ITGBL1: variants seen among roughly 807,000 people sequenced by gnomAD.
The protein encoded by ITGBL1 is integrin subunit beta like 1.
In ITGBL1, 51 loss-of-function variants were observed where a neutral mutation model predicts 68.5. The observed-to-expected ratio is 0.74, with a 90% CI of 0.59 to 0.94. The LOEUF (loss-of-function observed/expected upper bound fraction) is 0.94, where lower values mean the gene tolerates loss of function less well. Among genes scored for constraint, ITGBL1 ranks in the 40% least tolerant of loss-of-function variants. The probability of loss-of-function intolerance (pLI) is 0.00; values close to 1 mark genes in which losing one functional copy is unlikely to be tolerated. For synonymous variants in ITGBL1, 209 were observed against 227.3 expected, an observed-to-expected ratio of 0.92 and a Z score of 0.72; for missense variants, 649 against 647.4, an observed-to-expected ratio of 1.00 and a Z score of -0.03.
At chr13:101,710,365 C>A (rs1002203446) in intron 9 of ITGBL1, among the ~76,000 whole-genome samples, 1 of 152,068 alleles carries the variant, frequency 6.6e-6, no homozygotes, top group African/African-American at 2.4e-5. Flanking sequence ...GGGATAAAAC[C>A]AGGATCATGG....
intron 2 of ITGBL1, among the ~76,000 whole-genome samples, chr13:101,502,204 A>G (rs1168474096): frequency 6.6e-6 from 1 of 152,164 alleles, no homozygotes; most frequent in Non-Finnish European, 1.5e-5. Flanking sequence ...TTATTTTCCA[A>G]TTTAAAACAT....
chr13:101,598,682 C>T (rs1316907610), intron 7 of ITGBL1, among the ~76,000 whole-genome samples: 2 of 152,010 alleles, frequency 1.3e-5, no homozygotes, highest in Non-Finnish European at 2.9e-5. Context: ...GAGAATATGC[C>T]GTGTTTGGTT....
intron 2 of ITGBL1, among the ~76,000 whole-genome samples, chr13:101,560,372 A>G: frequency 6.6e-6 from 1 of 152,206 alleles, no homozygotes; most frequent in East Asian, 1.9e-4. Flanking sequence ...TAAGTGTTCA[A>G]ATTAAAATAC....
intron 7 of ITGBL1, among the ~76,000 whole-genome samples, chr13:101,638,369 TA>T (rs1303067530): frequency 6.6e-6 from 1 of 152,158 alleles, no homozygotes; most frequent in African/African-American, 2.4e-5. Flanking sequence ...ATTTGAGTAT[TA>T]AATGAGCTAG....
At chr13:101,614,524 C>A (rs551703898) in intron 7 of ITGBL1, among the ~76,000 whole-genome samples, 2 of 152,168 alleles carry the variant, frequency 1.3e-5, no homozygotes, top group South Asian at 4.1e-4. Context: ...GCACATTTTC[C>A]ATTATTAAAT....
At chr13:101,540,269 A>G (rs1047223028) in intron 2 of ITGBL1, among the ~76,000 whole-genome samples, 6 of 152,140 alleles carry the variant, frequency 3.9e-5, no homozygotes, top group African/African-American at 1.4e-4. Flanking sequence ...CTTTCTACAT[A>G]TGGCTAGCCA....
chr13:101,557,451 G>T (rs1323995044), intron 2 of ITGBL1, among the ~76,000 whole-genome samples: 1 of 152,098 alleles, frequency 6.6e-6, no homozygotes, highest in Non-Finnish European at 1.5e-5. Flanking sequence ...TATTAAAAAT[G>T]GTCAAGTTTC....
At chr13:101,643,580 G>T (rs1247233714) in intron 7 of ITGBL1, among the ~76,000 whole-genome samples, 1 of 152,134 alleles carries the variant, frequency 6.6e-6, no homozygotes, top group Non-Finnish European at 1.5e-5. Context: ...AGTCCACTGT[G>T]ATCACAGAAC....
chr13:101,514,994 T>A (rs557867683), intron 2 of ITGBL1, among the ~76,000 whole-genome samples: 3 of 152,254 alleles, frequency 2.0e-5, no homozygotes, highest in Admixed American at 1.3e-4. Context: ...GAAAATATTA[T>A]AGGAATTTAT....
intron 7 of ITGBL1, among the ~76,000 whole-genome samples, chr13:101,670,445 G>A (rs113043361): frequency 0.017 from 2,534 of 152,228 alleles, 75 homozygotes; most frequent in African/African-American, 0.058. Flanking sequence ...AATTCCCTAT[G>A]CTTTATGTTG....
At chr13:101,615,779 T>A (rs111442718) in intron 7 of ITGBL1, among the ~76,000 whole-genome samples, 110 of 152,116 alleles carry the variant, frequency 7.2e-4, no homozygotes, top group African/African-American at 2.5e-3. Flanking sequence ...ACAGAGACCA[T>A]GTCTCTAAAA....
chr13:101,607,461 T>TA (rs1216595382), intron 7 of ITGBL1, among the ~76,000 whole-genome samples: 3 of 152,038 alleles, frequency 2.0e-5, no homozygotes, highest in African/African-American at 7.2e-5. Flanking sequence ...CATTATATAG[T>TA]TGTAGCAAAA....
Position 101,616,552 on chromosome 13 carries a change from G to A in ITGBL1, c.1015+18253G>A, listed in dbSNP as rs557556781. On this transcript the variant is annotated intron_variant, in intron 7 of 10. Coordinates refer to ENST00000376180, the MANE Select transcript of ITGBL1 (RefSeq NM_004791.3). ...GTTGCCCAGGCTGGAGTGCAGTGGC[G>A]CTATCTCAGCTCACTCCAGCCTCCG... is the stretch of plus-strand genomic sequence containing the variant. Among the ~76,000 whole-genome samples, 1,004 of 151,814 alleles carry A rather than the reference G, an allele frequency of 6.6e-3. 5 individuals carry two copies. The highest frequency in any genetic ancestry group is 0.01 in the Non-Finnish European group (690 of 67,952).
intron 7 of ITGBL1, among the ~76,000 whole-genome samples, chr13:101,656,483 C>G (rs1359764399): frequency 6.6e-6 from 1 of 152,014 alleles, no homozygotes; most frequent in Non-Finnish European, 1.5e-5. Context: ...AAGTAAGCCA[C>G]AATATATAGG....
chr13:101,493,145 A>T (rs533287377), intron 2 of ITGBL1, among the ~76,000 whole-genome samples: 17 of 152,284 alleles, frequency 1.1e-4, no homozygotes, highest in African/African-American at 3.8e-4. Flanking sequence ...GATTTTACTC[A>T]AGGAGCTGAT....
At chr13:101,569,217 T>C (rs576038986) in intron 3 of ITGBL1, among the ~76,000 whole-genome samples, 3 of 152,292 alleles carry the variant, frequency 2.0e-5, no homozygotes, top group East Asian at 1.9e-4. Context: ...CTGTTTTGGG[T>C]TTGAAATCTA....
At chr13:101,488,742 A>C (rs1205910618) in intron 2 of ITGBL1, among the ~76,000 whole-genome samples, 3 of 152,142 alleles carry the variant, frequency 2.0e-5, no homozygotes, top group Non-Finnish European at 2.9e-5. Context: ...CGTCTTCCTC[A>C]TGGAATTTTT....
intron 2 of ITGBL1, among the ~76,000 whole-genome samples, chr13:101,478,945 G>T (rs575395949): frequency 8.7e-4 from 132 of 151,940 alleles, no homozygotes; most frequent in Non-Finnish European, 1.5e-3. Context: ...TTCTTCACAA[G>T]AATAGAAAAA....
At chr13:101,680,360 C>T (rs1195903963) in intron 7 of ITGBL1, among the ~76,000 whole-genome samples, 1 of 151,940 alleles carries the variant, frequency 6.6e-6, no homozygotes, top group Non-Finnish European at 1.5e-5. Context: ...TTTATGTGAG[C>T]CTCTAATTAC....
Sources: gnomAD v4.1 joint callset for allele counts (sites outside exome capture counted in the v4.1 genomes callset) on GRCh38, gnomAD v4.1.1 for gene constraint, MANE v1.5 for transcripts, NCBI Gene and HGNC (gene_info 2026-07-23, HGNC 2026-07-21) for gene names.